The following KIAA2012 variants were observed in gnomAD, a reference collection of about 807,000 sequenced individuals.
KIAA2012 encodes the protein KIAA2012.
A neutral mutation model predicts 150.6 loss-of-function variants in KIAA2012; 125 were observed. The observed-to-expected ratio is 0.83, with a 90% CI of 0.72 to 0.96. KIAA2012 has a LOEUF of 0.96. KIAA2012 is among the 40% of genes least tolerant of loss of function. The pLI is 0.00. For missense variants in KIAA2012, 1,219 were observed against 1,354.9 expected (o/e 0.90, Z 1.57); for synonymous variants, 462 against 504.7 (o/e 0.92, Z 1.13).
chr2:202,105,101 T>C (rs1690147784), intron 8 of KIAA2012, among the ~76,000 whole-genome samples: 1 of 147,804 alleles, frequency 6.8e-6, no homozygotes, highest in Admixed American at 6.8e-5. Context: ...ACTCAAAATG[T>C]GTTAAGCAAA....
At chr2:202,189,591 A>C (rs1473304705) in intron 18 of KIAA2012, among the ~76,000 whole-genome samples, 7 of 152,002 alleles carry the variant, frequency 4.6e-5, no homozygotes, top group Non-Finnish European at 1.0e-4. Context: ...CGCCCGGCTG[A>C]AATAGAACTT....
intron 13 of KIAA2012, among the ~76,000 whole-genome samples, chr2:202,151,221 A>G (rs1040011251): frequency 1.3e-5 from 2 of 151,746 alleles, no homozygotes; most frequent in South Asian, 2.1e-4. Context: ...ACATAGCAAA[A>G]CCCCATCTCT....
intron 22 of KIAA2012, among the ~76,000 whole-genome samples, chr2:202,200,775 C>T (rs1360013054): frequency 2.2e-5 from 3 of 134,164 alleles, no homozygotes; most frequent in Admixed American, 1.7e-4. Flanking sequence ...GGTGTGATCT[C>T]GGCTCACCGC....
At chr2:202,161,672 C>A (rs1691660153) in intron 14 of KIAA2012, among the ~76,000 whole-genome samples, 1 of 152,020 alleles carries the variant, frequency 6.6e-6, no homozygotes, top group African/African-American at 2.4e-5. Context: ...CCCATGAGGC[C>A]CTGCAGAAAC....
At chr2:202,175,386 A>C (rs1691971486) in intron 15 of KIAA2012, among the ~76,000 whole-genome samples, 1 of 152,236 alleles carries the variant, frequency 6.6e-6, no homozygotes, top group Non-Finnish European at 1.5e-5. Context: ...CATATAGAAA[A>C]GCCAGAAATA....
At chr2:202,154,456 C>T (rs1691484150) in intron 13 of KIAA2012, among the ~76,000 whole-genome samples, 1 of 152,124 alleles carries the variant, frequency 6.6e-6, no homozygotes, top group African/African-American at 2.4e-5. Context: ...AGGAAGGTCC[C>T]TTTTTCCACT....
chr2:202,146,261 G>T (rs7570556), intron 13 of KIAA2012, among the ~76,000 whole-genome samples: 44,760 of 151,920 alleles, frequency 0.29, 6,774 homozygotes, highest in South Asian at 0.33. Context: ...CCAGCACTTT[G>T]GGAGACCAAG....
At chr2:202,100,480 G>GGA (rs150039982) in intron 7 of KIAA2012, 31 bp downstream of exon 7, 31 of 1,458,588 alleles carry the variant, frequency 2.1e-5, no homozygotes, top group Admixed American at 8.7e-5. Flanking sequence ...TGTGCATACA[G>GGA]GAGAGAGAGA....
chr2:202,174,725 A>T lies in KIAA2012; in HGVS notation c.2119+9369A>T, dbSNP rs79026498. Among the ~76,000 whole-genome samples, 66 of 152,336 alleles carry T rather than the reference A, an allele frequency of 4.3e-4. 1 individual carries two copies. In the East Asian group the frequency reaches 0.012, roughly 28 times the overall value. ...CCTTTCTCTCTCCCATGTTATTTTG[A>T]AACAAATTTTAGGCTCATATCATTT... is the stretch of plus-strand genomic sequence containing the variant. On this transcript the variant is annotated intron_variant, in intron 15 of 23. Transcript: ENST00000498697.
At chr2:202,164,153 T>C (rs910376436) in intron 14 of KIAA2012, among the ~76,000 whole-genome samples, 1 of 150,846 alleles carries the variant, frequency 6.6e-6, no homozygotes, top group Non-Finnish European at 1.5e-5. Context: ...GAGATGAAGC[T>C]GTGGGTTGAG....
At chr2:202,100,801 G>A (rs1325269363) in intron 7 of KIAA2012, among the ~76,000 whole-genome samples, 2 of 152,226 alleles carry the variant, frequency 1.3e-5, no homozygotes, top group African/African-American at 4.8e-5. Flanking sequence ...ACTTACTTCA[G>A]ATTCAAAATG....
At chr2:202,194,739 T>A (rs1017872147) in intron 21 of KIAA2012, among the ~76,000 whole-genome samples, 2 of 152,116 alleles carry the variant, frequency 1.3e-5, no homozygotes, top group Non-Finnish European at 2.9e-5. Context: ...AGCCTCTTTT[T>A]AAAAAATTAT....
chr2:202,169,869 G>A (rs1691849663), intron 15 of KIAA2012, among the ~76,000 whole-genome samples: 1 of 152,198 alleles, frequency 6.6e-6, no homozygotes, highest in Non-Finnish European at 1.5e-5. Context: ...TTAGGGAAGG[G>A]CGGATTGCTT....
chr2:202,086,320 G>A (rs908232150), intron 2 of KIAA2012, among the ~76,000 whole-genome samples: 10 of 152,162 alleles, frequency 6.6e-5, no homozygotes, highest in Non-Finnish European at 1.5e-4. Context: ...ACTGCATTCA[G>A]AGGAAAGTCA....
intron 14 of KIAA2012, among the ~76,000 whole-genome samples, chr2:202,160,522 C>A (rs1199413159): frequency 6.6e-6 from 1 of 151,948 alleles, no homozygotes; most frequent in East Asian, 1.9e-4. Flanking sequence ...ACCATGTTAG[C>A]CAGCATGGTC....
At chr2:202,092,542 G>A (rs959676423) in intron 3 of KIAA2012, among the ~76,000 whole-genome samples, 1 of 152,164 alleles carries the variant, frequency 6.6e-6, no homozygotes, top group South Asian at 2.1e-4. Flanking sequence ...AGACTACTGA[G>A]TGCCTTTTAA....
At chr2:202,134,172 T>C (rs775419929) in intron 12 of KIAA2012, among the ~76,000 whole-genome samples, 8 of 152,234 alleles carry the variant, frequency 5.3e-5, no homozygotes, top group Non-Finnish European at 1.0e-4. Flanking sequence ...GCAATGGATA[T>C]ATCCCCTCCA....
At chr2:202,089,610 T>C (rs961790304) in intron 2 of KIAA2012, among the ~76,000 whole-genome samples, 1 of 152,194 alleles carries the variant, frequency 6.6e-6, no homozygotes, top group African/African-American at 2.4e-5. Context: ...ACTAAGTGGG[T>C]TTCATTTCTC....
chr2:202,088,954 C>T (rs1051414365), intron 2 of KIAA2012, among the ~76,000 whole-genome samples: 1 of 152,202 alleles, frequency 6.6e-6, no homozygotes, highest in African/African-American at 2.4e-5. Flanking sequence ...TGAGGCAGAG[C>T]AGGCCTTGAG....
Sources: gnomAD v4.1 joint callset for allele counts (sites outside exome capture counted in the v4.1 genomes callset) on GRCh38, gnomAD v4.1.1 for gene constraint, MANE v1.5 for transcripts, NCBI Gene and HGNC (gene_info 2026-07-23, HGNC 2026-07-21) for gene names.